Variants in WWOX observed in about 807,000 individuals in gnomAD.
WWOX encodes the protein WW domain-containing oxidoreductase.
In WWOX, 69 loss-of-function variants were observed where a neutral mutation model predicts 46.2. The observed-to-expected ratio is 1.49, with a 90% CI of 1.23 to 1.82. The LOEUF (loss-of-function observed/expected upper bound fraction) is 1.82. Ranked by LOEUF, WWOX falls within the 40% of genes most tolerant of loss-of-function variation. The probability of loss-of-function intolerance (pLI) is 0.00; values close to 1 mark genes in which losing one functional copy is unlikely to be tolerated. For missense variants in WWOX, 919 were observed against 542.6 expected (o/e 1.69, Z -6.89); for synonymous variants, 359 against 202.6 (o/e 1.77, Z -6.56).
chr16:78,514,038 A>G (rs887697774), intron 8 of WWOX, among the ~76,000 whole-genome samples: 1 of 152,134 alleles, frequency 6.6e-6, no homozygotes, highest in South Asian at 2.1e-4. Flanking sequence ...TTTTCTTTAT[A>G]TAGTATTTAT....
chr16:78,593,682 A>G (rs141847571), intron 8 of WWOX, among the ~76,000 whole-genome samples: 7 of 152,140 alleles, frequency 4.6e-5, no homozygotes, highest in African/African-American at 1.4e-4. Flanking sequence ...GCTGCTTGGC[A>G]GCATCTTCCC....
rs550410110 is a variant in WWOX at position 78,437,978 on chromosome 16, T to C, written c.1056+5226T>C. On this transcript the variant is annotated intron_variant, in intron 8 of 8. Transcript: ENST00000566780. ...TAGTATCTATATTTATATATACATA[T>C]TAGTCTATGGGTTTTAATTCACAAA... is the stretch of plus-strand genomic sequence containing the variant. Among the ~76,000 whole-genome samples, 5 of 152,260 alleles carry C rather than the reference T, an allele frequency of 3.3e-5. No homozygotes were observed. The East Asian group carries it at 7.7e-4, about 24-fold the overall frequency.
intron 8 of WWOX, among the ~76,000 whole-genome samples, chr16:78,679,047 C>G (rs2047668739): frequency 6.6e-6 from 1 of 152,214 alleles, no homozygotes; most frequent in Admixed American, 6.5e-5. Flanking sequence ...ATTGCCAAGC[C>G]TGTTTCTAGA....
intron 8 of WWOX, among the ~76,000 whole-genome samples, chr16:78,737,660 C>A (rs2049122118): frequency 6.6e-6 from 1 of 152,092 alleles, no homozygotes; most frequent in Non-Finnish European, 1.5e-5. Context: ...AGTTTAGCTC[C>A]CAGTCTACAG....
At position 78,342,989 on chromosome 16, in the gene WWOX, A is replaced by G. The variant is rs796659760; in HGVS notation, c.517-43871A>G. On this transcript the variant is annotated intron_variant, in intron 5 of 8. Coordinates refer to ENST00000566780, the MANE Select transcript of WWOX (RefSeq NM_016373.4). The stretch of plus-strand genomic sequence containing the variant: ...GATGACAATAAAGGTATTTTGGCAC[A>G]TAAAAAAACTGCTCAGCACACCTTG... Among the ~76,000 whole-genome samples the G allele has an allele frequency of 3.0e-4, 37 of 121,516 alleles. 10 individuals are homozygous for G. Among genetic ancestry groups the G allele is most frequent in the African/African-American group, 1.0e-3 (36 of 35,914 alleles). The allele number at this position is 121,516 out of a possible 152,430, so 79.7% of individuals were successfully genotyped here.
intron 8 of WWOX, among the ~76,000 whole-genome samples, chr16:78,995,788 A>C (rs765627914): frequency 7.9e-5 from 12 of 152,188 alleles, no homozygotes; most frequent in Non-Finnish European, 1.5e-4. Flanking sequence ...TTTATATGCA[A>C]ATTGAAAGGG....
rs191125132 is a variant in WWOX, at chr16:78,925,289, C to A, written c.1057-286319C>A. On this transcript the variant is annotated intron_variant, in intron 8 of 8. Coordinates refer to ENST00000566780, the MANE Select transcript of WWOX (RefSeq NM_016373.4). ...ATTGCTGCCACTGGGTGGCAGCATACTGGGATTGAGGAAAATAACCCCTCA... is the reference window on the plus strand; with the variant it reads ...ATTGCTGCCACTGGGTGGCAGCATAATGGGATTGAGGAAAATAACCCCTCA... Among the ~76,000 whole-genome samples, 43 of 152,342 alleles carry A rather than the reference C, an allele frequency of 2.8e-4. No individual in the cohort carries two copies. In the South Asian group the frequency reaches 4.3e-3, roughly 15 times the overall value.
chr16:78,414,978 G>A (rs2082765874), intron 6 of WWOX, among the ~76,000 whole-genome samples: 3 of 151,844 alleles, frequency 2.0e-5, no homozygotes, highest in Non-Finnish European at 4.4e-5. Context: ...GAAAGTAAAA[G>A]AATAAAAGAA....
chr16:78,492,761 A>G (rs767422691), intron 8 of WWOX, among the ~76,000 whole-genome samples: 1 of 152,238 alleles, frequency 6.6e-6, no homozygotes, highest in Non-Finnish European at 1.5e-5. Context: ...GAATATGCAT[A>G]ATCACATCAA....
In WWOX at chr16:78,716,122, T is replaced by A. The variant is rs2048554790; in HGVS notation, c.1056+283370T>A. Among the ~76,000 whole-genome samples the A allele has an allele frequency of 2.0e-5, 3 of 151,920 alleles. No individual in the cohort carries two copies. The South Asian group carries it at 6.2e-4, about 32-fold the overall frequency. ...ATGAGGTCCTTAAGATAGGCCCTAA[T>A]CCAATATGCACATAAAGGGGAATTT... On this transcript the variant is annotated intron_variant, in intron 8 of 8. Transcript: ENST00000566780.
At chr16:78,561,291 G>C (rs1390074402) in intron 8 of WWOX, among the ~76,000 whole-genome samples, 1 of 152,166 alleles carries the variant, frequency 6.6e-6, no homozygotes, top group Admixed American at 6.5e-5. Context: ...TGATGTCTAG[G>C]TCTGGATTTC....
chr16:78,266,890 A>G (rs940536467), intron 5 of WWOX, among the ~76,000 whole-genome samples: 2 of 148,170 alleles, frequency 1.3e-5, no homozygotes, highest in Non-Finnish European at 3.0e-5. Flanking sequence ...CCAAATCTCA[A>G]CTTGAATTGC....
Position 78,339,361 on chromosome 16 carries a change from T to A in WWOX, c.517-47499T>A, listed in dbSNP as rs2080962862. 2.3e-5 allele frequency among the ~76,000 whole-genome samples: 2 copies of A among 86,882 alleles called. 1 individual carries two copies. Among genetic ancestry groups the A allele is most frequent in the Non-Finnish European group, 4.8e-5 (2 of 41,500 alleles). 57.0% of individuals were successfully genotyped at this position (86,882 alleles called of 152,430 possible). On this transcript the variant is annotated intron_variant, in intron 5 of 8. Coordinates refer to ENST00000566780, the MANE Select transcript of WWOX (RefSeq NM_016373.4). ...TGATTGTCTAAATCTCAGTTCCTTT[T>A]ATTAGAAAAAAAAAAAAAAACAACT...
At chr16:78,985,724 G>A (rs558879431) in intron 8 of WWOX, among the ~76,000 whole-genome samples, 48 of 152,218 alleles carry the variant, frequency 3.2e-4, no homozygotes, top group African/African-American at 1.1e-3. Flanking sequence ...AGCCAAGGTC[G>A]TGCCACTGCA....
intron 8 of WWOX, among the ~76,000 whole-genome samples, chr16:79,105,477 C>G (rs942229847): frequency 2.0e-5 from 3 of 152,142 alleles, no homozygotes; most frequent in African/African-American, 7.2e-5. Flanking sequence ...CCAATATCCA[C>G]ATTTATATCT....
chr16:78,351,597 C>A (rs1455949471), intron 5 of WWOX, among the ~76,000 whole-genome samples: 1 of 152,174 alleles, frequency 6.6e-6, no homozygotes, highest in Non-Finnish European at 1.5e-5. Context: ...CTAAGCGGAG[C>A]AGATGCTGGC....
intron 8 of WWOX, among the ~76,000 whole-genome samples, chr16:78,749,492 A>G (rs1284075488): frequency 6.6e-6 from 1 of 152,226 alleles, no homozygotes; most frequent in East Asian, 1.9e-4. Context: ...TTAAATCATA[A>G]TGAAGCATTT....
At chr16:79,047,492 T>C (rs2048087157) in intron 8 of WWOX, among the ~76,000 whole-genome samples, 1 of 151,794 alleles carries the variant, frequency 6.6e-6, no homozygotes, top group African/African-American at 2.4e-5. Context: ...AGAAATGATG[T>C]CGTTAATGCA....
intron 8 of WWOX, among the ~76,000 whole-genome samples, chr16:78,740,425 G>T (rs1304371745): frequency 6.6e-6 from 1 of 152,160 alleles, no homozygotes; most frequent in African/African-American, 2.4e-5. Context: ...CTTTGGCTTG[G>T]ACCTTTGGAC....
Sources: gnomAD v4.1 joint callset for allele counts (sites outside exome capture counted in the v4.1 genomes callset) on GRCh38, gnomAD v4.1.1 for gene constraint, MANE v1.5 for transcripts, NCBI Gene and HGNC (gene_info 2026-07-23, HGNC 2026-07-21) for gene names.